The following HNRNPU variants were observed in gnomAD, a reference collection of about 807,000 sequenced individuals.
HNRNPU encodes HNRNPU antisense RNA 1.
Under a neutral mutation model 94.7 loss-of-function variants are expected in HNRNPU, and 5 were observed. That is an observed-to-expected ratio of 0.05 (90% CI 0.03 to 0.11). The LOEUF (loss-of-function observed/expected upper bound fraction) is 0.11, where lower values mean the gene tolerates loss of function less well. HNRNPU is among the 10% of genes least tolerant of loss of function. The pLI, the probability that HNRNPU is intolerant of heterozygous loss-of-function variation, is 1.00. For missense variants in HNRNPU, 710 were observed against 1,049.2 expected, an observed-to-expected ratio of 0.68 and a Z score of 4.47; for synonymous variants, 434 against 381.6, an observed-to-expected ratio of 1.14 and a Z score of -1.60.
rs549437499 is a variant in HNRNPU at position 244,860,806 on chromosome 1, G to A, written c.878-332C>T. On this transcript the variant is annotated intron_variant, in intron 3 of 13. Transcript: ENST00000640218. Reference sequence around the variant, plus strand: ...ATTTAGAGGCAAGCAGTAGAGGATAGCAGGAAATCAAAGTGAAGCATGCCA... The same window carrying A: ...ATTTAGAGGCAAGCAGTAGAGGATAACAGGAAATCAAAGTGAAGCATGCCA... 2.5e-5 allele frequency: 8 copies of A among 314,724 alleles called. No individual in the cohort carries two copies. The South Asian group carries it at 8.6e-4, about 34-fold the overall frequency. The allele number at this position is 314,724 out of a possible 1,614,324, so 19.5% of individuals were successfully genotyped here.
chr1:244,860,256 G>A (rs549348470), intron 4 of HNRNPU, 79 bp downstream of exon 4: 44 of 1,292,336 alleles, frequency 3.4e-5, no homozygotes, highest in Middle Eastern at 3.8e-4. Context: ...AGCCTAGGTC[G>A]CACCACGGCA....
rs1680563155 is a variant in HNRNPU at position 244,852,111 on chromosome 1, G to A, written c.*2339C>T. On this transcript the variant is annotated 3_prime_UTR_variant, in exon 14 of 14. Coordinates refer to ENST00000640218, the MANE Select transcript of HNRNPU (RefSeq NM_031844.3). ...CATTAGGGAGGCAAGGGAAGGATGA[G>A]CAATAAATCAGGTTTCTCGTTCGTA... The A allele has an allele frequency of 6.6e-6, 1 of 152,192 alleles. No homozygotes were observed. The highest frequency in any genetic ancestry group is 2.1e-4 in the South Asian group (1 of 4,838). 9.4% of individuals were successfully genotyped at this position (152,192 alleles called of 1,614,324 possible).
At position 244,862,699 on chromosome 1, in the gene HNRNPU, A is replaced by T. The variant is rs769435589; in HGVS notation, c.723T>A (p.Asp241Glu). 4 of 1,613,840 alleles carry T rather than the reference A, an allele frequency of 2.5e-6. 1 individual carries two copies. The South Asian group carries it at 4.4e-5, about 18-fold the overall frequency. ...GTGGTCTTTTAACACCCCTCTTTTT[A>T]TCTCCGCCTTTCTGTTCTGTTTTGC... ...GDGKTEQKGGDKKRGVKRPRE... is the reference protein window; with the variant it reads ...GDGKTEQKGGEKKRGVKRPRE... The change falls in exon 2 of 14, where the codon GAT becomes GAA. Residue 241 changes from aspartate to glutamate, a missense_variant. Coordinates refer to ENST00000640218, the MANE Select transcript of HNRNPU (RefSeq NM_031844.3).
At chr1:244,862,098 T>C (rs1680846178) in intron 3 of HNRNPU, 1 of 185,290 alleles carries the variant, frequency 5.4e-6, no homozygotes, top group African/African-American at 2.4e-5. Flanking sequence ...ATAGCTCACT[T>C]AATATAATTC....
intron 6 of HNRNPU, 26 bp downstream of exon 6, chr1:244,858,703 T>C (rs1477752367): frequency 8.0e-7 from 1 of 1,257,582 alleles, no homozygotes; most frequent in Non-Finnish European, 1.2e-6. Flanking sequence ...TTGCCATTTA[T>C]ACATAGAAAG....
chr1:244,862,258 G>A (rs1047085450), intron 3 of HNRNPU: 23 of 513,704 alleles, frequency 4.5e-5, no homozygotes, highest in Non-Finnish European at 5.8e-5. Context: ...GAAACTCCTA[G>A]AGCCTGTAAA....
At position 244,863,625 on chromosome 1, in the gene HNRNPU, G is replaced by A; in HGVS notation, c.683C>T (p.Pro228Leu). ...TACAACGCAGCACTCACCCGCCGCCGGAGCCCCGGGGCGACCGCCGCCTCC... is the reference window on the plus strand; with the variant it reads ...TACAACGCAGCACTCACCCGCCGCCAGAGCCCCGGGGCGACCGCCGCCTCC... The part of the protein sequence containing the change: ...GGGGGGRPGA[P>L]AAGDGKTEQK... The change falls in exon 1 of 14, where the codon CCG becomes CTG. Residue 228 changes from proline (P) to leucine (L), a missense_variant. By Grantham distance (98) the Pro-to-Leu change is moderately conservative (BLOSUM62 -3). Coordinates refer to ENST00000640218, the MANE Select transcript of HNRNPU (RefSeq NM_031844.3). 6.5e-7 allele frequency: 1 copy of A among 1,526,988 alleles called. No homozygotes were observed. The highest frequency in any genetic ancestry group is 8.7e-7 in the Non-Finnish European group (1 of 1,151,682). 94.6% of individuals were successfully genotyped at this position (1,526,988 alleles called of 1,614,324 possible).
chr1:244,858,391 T>C (rs947311679), intron 6 of HNRNPU, 117 bp from the exon 7 acceptor site: 1 of 934,516 alleles, frequency 1.1e-6, no homozygotes, highest in Non-Finnish European at 1.6e-6. Context: ...TAAAGAACTA[T>C]TAGGTGGCCT....
At chr1:244,862,406 A>AC (rs1428636778) in intron 3 of HNRNPU, 55 bp downstream of exon 3, 2 of 1,249,150 alleles carry the variant, frequency 1.6e-6, no homozygotes, top group East Asian at 4.7e-5. Context: ...AAAAAAAAAA[A>AC]AAAAAAAACC....
chr1:244,854,804 T>G, intron 13 of HNRNPU, 169 bp downstream of exon 13: 1 of 544,006 alleles, frequency 1.8e-6, no homozygotes, highest in Non-Finnish European at 3.2e-6. Flanking sequence ...CTTCAACCTA[T>G]TTTGCCTTCA....
At chr1:244,859,206 G>A (rs1004857439) in intron 5 of HNRNPU, 69 bp downstream of exon 5, 61 of 814,198 alleles carry the variant, frequency 7.5e-5, no homozygotes, top group Middle Eastern at 4.5e-4. Context: ...ATGCCCTCTA[G>A]TTAAAAAACA....
intron 10 of HNRNPU, 120 bp downstream of exon 10, chr1:244,856,337 G>C: frequency 8.1e-7 from 1 of 1,230,616 alleles, no homozygotes; most frequent in Non-Finnish European, 1.1e-6. Flanking sequence ...TGGAAAAAAT[G>C]TTAACTTTCA....
chr1:244,851,216 G>A lies in HNRNPU; in HGVS notation c.*3234C>T, dbSNP rs1415484297. 6.6e-6 allele frequency: 1 copy of A among 151,970 alleles called. No individual in the cohort carries two copies. The highest frequency in any genetic ancestry group is 1.5e-5 in the Non-Finnish European group (1 of 67,994). The allele number at this position is 151,970 out of a possible 1,614,324, so 9.4% of individuals were successfully genotyped here. ...TATCCAATGCTAAACACTACCACTT[G>A]GACTCTAAGATATGTTTATGCCTCT... On this transcript the variant is annotated 3_prime_UTR_variant, in exon 14 of 14. Transcript: ENST00000640218.
At chr1:244,860,521 C>T in intron 3 of HNRNPU, 47 bp from the exon 4 acceptor site, 1 of 1,491,686 alleles carries the variant, frequency 6.7e-7, no homozygotes, top group Non-Finnish European at 9.3e-7. Context: ...CCAATGTAAA[C>T]ATATCTGCTA....
At chr1:244,854,943 T>G (rs763544447) in intron 13 of HNRNPU, 30 bp downstream of exon 13, 1 of 1,502,748 alleles carries the variant, frequency 6.7e-7, no homozygotes, top group Admixed American at 1.7e-5. Flanking sequence ...ATACAATTAA[T>G]GTACATAAAG....
chr1:244,856,669 C>A (rs376242406), intron 9 of HNRNPU, 44 bp from the exon 10 acceptor site: 262 of 1,607,482 alleles, frequency 1.6e-4, no homozygotes, highest in Non-Finnish European at 2.2e-4. Context: ...AACATTAATT[C>A]TACACCAATC....
intron 3 of HNRNPU, chr1:244,861,738 G>C (rs960620860): frequency 1.7e-5 from 1 of 58,902 alleles, no homozygotes; most frequent in South Asian, 7.8e-4. Flanking sequence ...ACGTTTTTTT[G>C]TAACAAAAAA....
intron 1 of HNRNPU, chr1:244,862,938 TC>T: frequency 1.7e-6 from 1 of 587,454 alleles, no homozygotes; most frequent in Non-Finnish European, 3.0e-6. Context: ...TTTGCCAGTC[TC>T]CTCGATGATT....
Position 244,858,211 on chromosome 1 carries a change from A to C in HNRNPU, c.1294T>G (p.Phe432Val). The C allele has an allele frequency of 6.2e-7, 1 of 1,614,150 alleles. No individual in the cohort carries two copies. The highest frequency in any genetic ancestry group is 8.5e-7 in the Non-Finnish European group (1 of 1,179,964). ...GCAAGAACTTCCTTACTGATTTTGAAGGCAACGCCAAGATCTTGTCCATTC... is the reference window on the plus strand; with the variant it reads ...GCAAGAACTTCCTTACTGATTTTGACGGCAACGCCAAGATCTTGTCCATTC... ...AKNGQDLGVA[F>V]KISKEVLAGR... is the part of the protein sequence containing the mutation. Residue 432 changes from phenylalanine (F) to valine (V), a missense_variant, in exon 7 of 14, where the codon TTC (phenylalanine) becomes GTC (valine). Phe to Val is a conservative substitution (Grantham distance 50, BLOSUM62 -1). Transcript: ENST00000640218.
Sources: allele counts gnomAD v4.1 joint callset, GRCh38; gene constraint gnomAD v4.1.1; transcripts MANE v1.5; gene names NCBI Gene and HGNC (gene_info 2026-07-23, HGNC 2026-07-21).